The following ST6GALNAC3 variants were observed in gnomAD, a reference collection of about 807,000 sequenced individuals.
The protein encoded by ST6GALNAC3 is alpha-N-acetylgalactosaminide alpha-2,6-sialyltransferase 3.
In ST6GALNAC3, 25 loss-of-function variants were observed where a neutral mutation model predicts 32.7. The ratio of observed to expected loss-of-function variants is 0.76; its 90% CI spans 0.56 to 1.07. The LOEUF (loss-of-function observed/expected upper bound fraction) is 1.07. Ranked by LOEUF, ST6GALNAC3 falls within the 50% of genes least tolerant of loss-of-function variation. The pLI, the probability that ST6GALNAC3 is intolerant of heterozygous loss-of-function variation, is 0.00. For missense variants in ST6GALNAC3, 355 were observed against 382.4 expected, an observed-to-expected ratio of 0.93 and a Z score of 0.60; for synonymous variants, 129 against 133.1, an observed-to-expected ratio of 0.97 and a Z score of 0.21.
rs1387662811 is a variant in ST6GALNAC3, at chr1:76,509,791, T to TC, written c.623+97375dup. On this transcript the variant is annotated intron_variant, in intron 3 of 4. Transcript: ENST00000328299. The surrounding 1 kb of genome is among the most constrained non-coding windows in gnomAD (Gnocchi z 5.5). ...CAATTTCTGCTTCCATTCTCACATA[T>TC]CTTTTCCTCACATTGCTGTTTCTCT... Among the ~76,000 whole-genome samples, 2 of 152,124 alleles carry TC rather than the reference T, an allele frequency of 1.3e-5. No homozygotes were observed. Among genetic ancestry groups the TC allele is most frequent in the Non-Finnish European group, 2.9e-5 (2 of 68,016 alleles).
At chr1:76,613,428 T>C (rs1447334181) in intron 3 of ST6GALNAC3, among the ~76,000 whole-genome samples, 1 of 152,190 alleles carries the variant, frequency 6.6e-6, no homozygotes, top group East Asian at 1.9e-4. Flanking sequence ...CCAGATAAAG[T>C]CAGAATTCTA....
chr1:76,219,641 C>T (rs1485453858), intron 1 of ST6GALNAC3, among the ~76,000 whole-genome samples: 2 of 152,170 alleles, frequency 1.3e-5, no homozygotes, highest in Non-Finnish European at 2.9e-5. Context: ...GGGTTTTGGC[C>T]ATACATCACT....
At chr1:76,298,297 A>G (rs1660527945) in intron 1 of ST6GALNAC3, among the ~76,000 whole-genome samples, 1 of 152,074 alleles carries the variant, frequency 6.6e-6, no homozygotes, top group African/African-American at 2.4e-5. Flanking sequence ...AACTTACCCA[A>G]GAAACCAACA....
intron 3 of ST6GALNAC3, among the ~76,000 whole-genome samples, chr1:76,453,023 C>G (rs1160659211): frequency 1.3e-5 from 2 of 152,082 alleles, no homozygotes; most frequent in Non-Finnish European, 2.9e-5. Context: ...TGTATCTTTC[C>G]AGGAATTTAT....
chr1:76,576,954 C>G (rs558592178), intron 3 of ST6GALNAC3: 72 of 1,286,550 alleles, frequency 5.6e-5, no homozygotes, highest in Admixed American at 1.2e-4. Flanking sequence ...AAGAAACAAA[C>G]AAACAAACAA....
intron 1 of ST6GALNAC3, among the ~76,000 whole-genome samples, chr1:76,306,264 C>G (rs1350446417): frequency 6.6e-6 from 1 of 152,044 alleles, no homozygotes; most frequent in Non-Finnish European, 1.5e-5. Context: ...CTAGAGAACA[C>G]TAGGTACCCT....
In ST6GALNAC3 at chr1:76,413,900, T is replaced by A. The variant is rs145186401; in HGVS notation, c.623+1483T>A. ...CTCTCCTTAGCCCAGAGCAATGCAATTAATGAAATGTATTTTGGTTTTTCA... is the reference window on the plus strand; with the variant it reads ...CTCTCCTTAGCCCAGAGCAATGCAAATAATGAAATGTATTTTGGTTTTTCA... On this transcript the variant is annotated intron_variant, in intron 3 of 4. Transcript: ENST00000328299. Among the ~76,000 whole-genome samples, 980 of 152,226 alleles carry A rather than the reference T, an allele frequency of 6.4e-3. 11 individuals are homozygous for A. The highest frequency in any genetic ancestry group is 0.018 in the South Asian group (89 of 4,822).
At chr1:76,087,489 C>G (rs1027643151) in intron 1 of ST6GALNAC3, among the ~76,000 whole-genome samples, 4 of 152,080 alleles carry the variant, frequency 2.6e-5, no homozygotes, top group Non-Finnish European at 5.9e-5. Flanking sequence ...CACTGAACAT[C>G]TAATTTTTTT....
intron 3 of ST6GALNAC3, among the ~76,000 whole-genome samples, chr1:76,559,724 A>G (rs1420276410): frequency 6.6e-6 from 1 of 152,164 alleles, no homozygotes; most frequent in Non-Finnish European, 1.5e-5. Context: ...AGTACACAGT[A>G]CGTGGTTTTA....
At chr1:76,578,938 A>G (rs1646851861) in intron 3 of ST6GALNAC3, among the ~76,000 whole-genome samples, 1 of 152,060 alleles carries the variant, frequency 6.6e-6, no homozygotes, top group South Asian at 2.1e-4. Flanking sequence ...ACATACATAT[A>G]TTCTACACAA....
intron 1 of ST6GALNAC3, among the ~76,000 whole-genome samples, chr1:76,272,695 A>G (rs1327722805): frequency 6.6e-6 from 1 of 152,168 alleles, no homozygotes; most frequent in East Asian, 1.9e-4. Context: ...ATCAGGTGTC[A>G]TCTTTTAAAA....
At chr1:76,579,856 A>G (rs1234306798) in intron 3 of ST6GALNAC3, among the ~76,000 whole-genome samples, 1 of 152,048 alleles carries the variant, frequency 6.6e-6, no homozygotes, top group African/African-American at 2.4e-5. Context: ...CTACTTAATA[A>G]AAAGCACACT....
At chr1:76,238,039 A>G (rs1656755810) in intron 1 of ST6GALNAC3, among the ~76,000 whole-genome samples, 1 of 152,214 alleles carries the variant, frequency 6.6e-6, no homozygotes, top group African/African-American at 2.4e-5. Flanking sequence ...CTGTCCAACA[A>G]GCCTGGTGTG....
intron 1 of ST6GALNAC3, among the ~76,000 whole-genome samples, chr1:76,126,045 T>G (rs997360814): frequency 4.6e-5 from 7 of 152,204 alleles, no homozygotes; most frequent in Non-Finnish European, 1.0e-4. Context: ...TATTGGATTT[T>G]CAAGACTTAA....
rs552508416 is a variant in ST6GALNAC3, at chr1:76,185,843, A to G, written c.18+110959A>G. On this transcript the variant is annotated intron_variant, in intron 1 of 4. Transcript: ENST00000328299. Reference sequence around the variant, plus strand: ...GGAAAAAAATATATGTCTGTACTGAATACATACAGACCATTTTTCCTTGTC... The same window carrying G: ...GGAAAAAAATATATGTCTGTACTGAGTACATACAGACCATTTTTCCTTGTC... 2.6e-5 allele frequency among the ~76,000 whole-genome samples: 4 copies of G among 152,356 alleles called. No individual in the cohort carries two copies. In the South Asian group the frequency reaches 6.2e-4, roughly 24 times the overall value.
intron 1 of ST6GALNAC3, among the ~76,000 whole-genome samples, chr1:76,195,687 T>C (rs571486347): frequency 1.3e-5 from 2 of 152,346 alleles, no homozygotes; most frequent in African/African-American, 2.4e-5. Context: ...AAATACACTT[T>C]AGTATTCTCA....
chr1:76,445,704 T>G (rs1008915174), intron 3 of ST6GALNAC3, among the ~76,000 whole-genome samples: 3 of 152,216 alleles, frequency 2.0e-5, no homozygotes, highest in African/African-American at 4.8e-5. Flanking sequence ...ACATCAAAAT[T>G]TCTTTGATCT....
At chr1:76,544,082 TA>T (rs1416115820) in intron 3 of ST6GALNAC3, among the ~76,000 whole-genome samples, 20 of 5,726 alleles carry the variant, frequency 3.5e-3, no homozygotes, top group South Asian at 0.038. Flanking sequence ...ATTACATTTA[TA>T]TATATATATA....
chr1:76,258,891 G>A (rs1259915179), intron 1 of ST6GALNAC3, among the ~76,000 whole-genome samples: 1 of 152,112 alleles, frequency 6.6e-6, no homozygotes, highest in African/African-American at 2.4e-5. Flanking sequence ...AAGTCTTTTT[G>A]AATGTACTTG....
Sources: allele counts gnomAD v4.1 joint callset (sites outside exome capture counted in the v4.1 genomes callset), GRCh38; gene constraint gnomAD v4.1.1; non-coding constraint Gnocchi (gnomAD v3.1); transcripts MANE v1.5; gene names NCBI Gene and HGNC (gene_info 2026-07-23, HGNC 2026-07-21).